MGLL: variants seen among roughly 807,000 people sequenced by gnomAD.
MGLL encodes monoglyceride lipase, also known as lysophospholipase homolog.
Under a neutral mutation model 29.1 loss-of-function variants are expected in MGLL, and 7 were observed. The ratio of observed to expected loss-of-function variants is 0.24; its 90% confidence interval spans 0.14 to 0.45. MGLL has a LOEUF of 0.45. Ranked by LOEUF, MGLL falls within the 20% of genes least tolerant of loss-of-function variation. The probability of loss-of-function intolerance (pLI) is 0.99; values close to 1 mark genes in which losing one functional copy is unlikely to be tolerated. For missense variants in MGLL, 356 were observed against 413.6 expected, an observed-to-expected ratio of 0.86 and a Z score of 1.21; for synonymous variants, 148 against 168.3, an observed-to-expected ratio of 0.88 and a Z score of 0.93.
At chr3:127,745,005 A>G (rs2076415341) in intron 3 of MGLL, among the ~76,000 whole-genome samples, 1 of 152,204 alleles carries the variant, frequency 6.6e-6, no homozygotes, top group African/African-American at 2.4e-5. Flanking sequence ...ACACCTGCTG[A>G]CCGGCAGAGT....
intron 3 of MGLL, among the ~76,000 whole-genome samples, chr3:127,724,428 G>A (rs1339225895): frequency 1.3e-5 from 2 of 152,204 alleles, no homozygotes; most frequent in Non-Finnish European, 2.9e-5. Flanking sequence ...ATTCCATTCT[G>A]TGGATGGACC....
At chr3:127,781,338 T>C (rs2077121689) in intron 3 of MGLL, among the ~76,000 whole-genome samples, 1 of 152,184 alleles carries the variant, frequency 6.6e-6, no homozygotes, top group African/African-American at 2.4e-5. Context: ...GGTTTTCTTG[T>C]GAACAATATG....
intron 5 of MGLL, 86 bp from the exon 6 acceptor site, chr3:127,710,751 G>A: frequency 8.3e-7 from 1 of 1,201,954 alleles, no homozygotes; most frequent in East Asian, 2.6e-5. Flanking sequence ...AGTACATTAA[G>A]GAGAGTGATG....
At chr3:127,813,072 T>C (rs1328076136) in intron 2 of MGLL, among the ~76,000 whole-genome samples, 1 of 152,228 alleles carries the variant, frequency 6.6e-6, no homozygotes, top group Non-Finnish European at 1.5e-5. Context: ...AGACTGTCAA[T>C]GACCTGGGAA....
In MGLL at chr3:127,692,287, G is replaced by A. The variant is rs1165137047; in HGVS notation, c.853C>T (p.Leu285Phe). 6.2e-7 allele frequency: 1 copy of A among 1,613,868 alleles called. No homozygotes were observed. The highest frequency in any genetic ancestry group is 2.2e-5 in the East Asian group (1 of 44,866). ...EGAYHVLHKE[L>F]PEVTNSVFHE... is the part of the protein sequence containing the mutation. ...AAGACGGAGTTGGTGACTTCAGGAA[G>A]CTCCTTGTGGAGAACATGGTAGGCA... The change falls in exon 8 of 8, where the codon CTT (leucine) becomes TTT (phenylalanine). Residue 285 changes from leucine (L) to phenylalanine (F), a missense_variant. Coordinates refer to ENST00000265052, the MANE Select transcript of MGLL (RefSeq NM_007283.7).
chr3:127,753,433 C>A (rs1438776999), intron 3 of MGLL, among the ~76,000 whole-genome samples: 1 of 152,262 alleles, frequency 6.6e-6, no homozygotes, highest in Admixed American at 6.5e-5. Flanking sequence ...CCATCTGTCC[C>A]TGCACAAAAT....
At chr3:127,777,706 A>G (rs200930392) in intron 3 of MGLL, among the ~76,000 whole-genome samples, 11,424 of 147,466 alleles carry the variant, frequency 0.077, 668 homozygotes, top group South Asian at 0.12. Context: ...TGCCTCAGAC[A>G]TCACGTGCCC....
chr3:127,731,356 T>C lies in MGLL; in HGVS notation c.263-8790A>G, dbSNP rs2076146873. Among the ~76,000 whole-genome samples, 4 of 149,754 alleles carry C rather than the reference T, an allele frequency of 2.7e-5. No homozygotes were observed. In the South Asian group the frequency reaches 8.5e-4, roughly 32 times the overall value. ...CTTTTATTATTATTATTATTATTAT[T>C]ATTATTATTATTATTATTTTAAAGA... is the stretch of plus-strand genomic sequence containing the variant. On this transcript the variant is annotated intron_variant, in intron 3 of 7. Coordinates refer to ENST00000265052, the MANE Select transcript of MGLL (RefSeq NM_007283.7).
At chr3:127,755,079 G>A (rs2076636160) in intron 3 of MGLL, among the ~76,000 whole-genome samples, 1 of 152,288 alleles carries the variant, frequency 6.6e-6, no homozygotes, top group African/African-American at 2.4e-5. Flanking sequence ...CCGGGGGAAA[G>A]GTCCTTGCCA....
chr3:127,739,562 G>A (rs1287767424), intron 3 of MGLL, among the ~76,000 whole-genome samples: 9 of 152,140 alleles, frequency 5.9e-5, no homozygotes, highest in Non-Finnish European at 1.3e-4. Flanking sequence ...TGACGCCTAC[G>A]TAGCTCACCA....
intron 6 of MGLL, among the ~76,000 whole-genome samples, chr3:127,701,215 CAAAAAAAAA>C (rs60128956): frequency 3.5e-5 from 2 of 56,442 alleles, no homozygotes; most frequent in African/African-American, 1.9e-4. Flanking sequence ...ACCCTGCCTC[CAAAAAAAAA>C]AAAAAAAAAG....
Position 127,695,828 on chromosome 3 carries a change from T to C in MGLL, c.601-638A>G, listed in dbSNP as rs79738520. On this transcript the variant is annotated intron_variant, in intron 6 of 7. Coordinates refer to ENST00000265052, the MANE Select transcript of MGLL (RefSeq NM_007283.7). ...GCAGCAGCATATTGTTCACATCAAT[T>C]ATTTTATTAAAAAGTAGCTCTGCAG... 6.6e-3 allele frequency among the ~76,000 whole-genome samples: 1,013 copies of C among 152,372 alleles called. 4 individuals carry two copies. Among genetic ancestry groups the C allele is most frequent in the African/African-American group, 0.023 (940 of 41,590 alleles).
At chr3:127,814,782 T>C (rs1256509914) in intron 2 of MGLL, among the ~76,000 whole-genome samples, 1 of 152,204 alleles carries the variant, frequency 6.6e-6, no homozygotes, top group Non-Finnish European at 1.5e-5. Context: ...ATTTGAAGAG[T>C]ATTTTTAAAA....
Position 127,723,706 on chromosome 3 carries a change from G to A in MGLL, c.263-1140C>T, listed in dbSNP as rs115263381. ...TGCTATCATATCCGTAACATAAATC[G>A]TACTGTTTGAACCATTTTTAAATGT... On this transcript the variant is annotated intron_variant, in intron 3 of 7. Coordinates refer to ENST00000265052, the MANE Select transcript of MGLL (RefSeq NM_007283.7). 4.3e-3 allele frequency among the ~76,000 whole-genome samples: 659 copies of A among 152,122 alleles called. 4 individuals carry two copies. Among genetic ancestry groups the A allele is most frequent in the African/African-American group, 0.014 (598 of 41,484 alleles).
chr3:127,781,302 G>A (rs184811988), intron 3 of MGLL, among the ~76,000 whole-genome samples: 1 of 152,286 alleles, frequency 6.6e-6, no homozygotes, highest in Admixed American at 6.5e-5. Flanking sequence ...GGGTAGCTGT[G>A]TGTCCTTGTA....
chr3:127,696,317 C>CATCT (rs2075361562), intron 6 of MGLL, among the ~76,000 whole-genome samples: 1 of 150,754 alleles, frequency 6.6e-6, no homozygotes, highest in Admixed American at 6.6e-5. Context: ...ATCTCTCTAG[C>CATCT]ATCTGCCCTA....
intron 3 of MGLL, among the ~76,000 whole-genome samples, chr3:127,727,921 A>AT (rs2076077899): frequency 6.6e-6 from 1 of 152,096 alleles, no homozygotes; most frequent in Admixed American, 6.5e-5. Context: ...ATTGCTTTGC[A>AT]TTTTTTTGTC....
intron 3 of MGLL, among the ~76,000 whole-genome samples, chr3:127,774,886 G>A (rs906814105): frequency 2.0e-5 from 3 of 152,122 alleles, no homozygotes; most frequent in Admixed American, 6.6e-5. Context: ...TCATCTCCAC[G>A]GCCACAGAGC....
chr3:127,820,028 T>C (rs1197717384), intron 2 of MGLL, among the ~76,000 whole-genome samples: 1 of 152,224 alleles, frequency 6.6e-6, no homozygotes, highest in Non-Finnish European at 1.5e-5. Flanking sequence ...AAAGTGTTCA[T>C]ACATGCTCAT....
Sources: gnomAD v4.1 joint callset for allele counts (sites outside exome capture counted in the v4.1 genomes callset) on GRCh38, gnomAD v4.1.1 for gene constraint, MANE v1.5 for transcripts, NCBI Gene and HGNC (gene_info 2026-07-23, HGNC 2026-07-21) for gene names.